PABPC1: variants seen among roughly 807,000 people sequenced by gnomAD.
PABPC1 encodes the protein polyadenylate-binding protein 1.
PABPC1 carries 4 observed loss-of-function variants against 74.0 expected under a neutral mutation model. The ratio of observed to expected loss-of-function variants is 0.05; its 90% CI spans 0.03 to 0.12. The LOEUF (loss-of-function observed/expected upper bound fraction) is 0.12, where lower values mean the gene tolerates loss of function less well. PABPC1 is among the 10% of genes least tolerant of loss of function. The pLI is 1.00. For synonymous variants in PABPC1, 227 were observed against 264.1 expected, an observed-to-expected ratio of 0.86 and a Z score of 1.36; for missense variants, 271 against 821.1, an observed-to-expected ratio of 0.33 and a Z score of 8.19.
rs1267646292 is a variant in PABPC1, at chr8:100,721,419, C to T, written c.165G>A (p.Ala55=). The change falls in exon 1 of 15, where the codon GCG becomes GCA. Residue 55 remains alanine (A), a synonymous_variant. Transcript: ENST00000318607. The surrounding 1 kb of genome is among the most constrained non-coding windows in gnomAD (Gnocchi z 7.4). The part of the protein sequence containing the change: ...DMITRRSLGY[A]YVNFQQPADA... ...CCGCCGGCTGCTGGAAGTTCACATACGCGTAGCCCAAGGAGCGGCGGGTGA... is the reference window on the plus strand; with the variant it reads ...CCGCCGGCTGCTGGAAGTTCACATATGCGTAGCCCAAGGAGCGGCGGGTGA... The T allele has an allele frequency of 1.9e-6, 3 of 1,589,814 alleles. No individual in the cohort carries two copies. The highest frequency in any genetic ancestry group is 2.6e-6 in the Non-Finnish European group (3 of 1,168,048).
chr8:100,715,102 G>A (rs1246366129), intron 4 of PABPC1, among the ~76,000 whole-genome samples: 2 of 148,856 alleles, frequency 1.3e-5, no homozygotes, highest in African/African-American at 5.1e-5. Context: ...ATATGCTTCT[G>A]ATGACATGGG....
At chr8:100,705,200 C>T in intron 12 of PABPC1, 144 bp from the exon 13 acceptor site, 1 of 677,142 alleles carries the variant, frequency 1.5e-6, no homozygotes, top group Non-Finnish European at 2.5e-6. Context: ...ATTATGTCTT[C>T]ATGGGAAGAC....
At chr8:100,719,763 C>T (rs1810766201) in intron 1 of PABPC1, among the ~76,000 whole-genome samples, 1 of 152,146 alleles carries the variant, frequency 6.6e-6, no homozygotes, top group African/African-American at 2.4e-5. Context: ...TTCAAGTTTT[C>T]ATTTTGTGGT....
In PABPC1 at chr8:100,706,644, T is replaced by C. The variant is rs1203927419; in HGVS notation, c.1602+7A>G. Reference sequence around the variant, plus strand: ...TGATTTTTATTAAGAAATCATTAAATCCATACCTGTTGCATTGTAACTTGT... The same window carrying C: ...TGATTTTTATTAAGAAATCATTAAACCCATACCTGTTGCATTGTAACTTGT... On this transcript the variant is annotated splice_region_variant and intron_variant, in intron 11 of 14. Transcript: ENST00000318607. The C allele has an allele frequency of 1.3e-6, 2 of 1,484,228 alleles. No homozygotes were observed. The highest frequency in any genetic ancestry group is 2.9e-5 in the African/African-American group (2 of 68,198). 91.9% of individuals were successfully genotyped at this position (1,484,228 alleles called of 1,614,324 possible). A position where few individuals can be genotyped will look rare whatever the true frequency, so the allele number is the denominator to read the frequency against.
At chr8:100,705,538 C>T in intron 12 of PABPC1, 51 bp downstream of exon 12, 1 of 1,120,466 alleles carries the variant, frequency 8.9e-7, no homozygotes, top group South Asian at 1.3e-5. Context: ...CTAAGTGATT[C>T]CTATATTTTC....
chr8:100,712,511 T>C, intron 6 of PABPC1, 54 bp from the exon 7 acceptor site: 1 of 1,459,478 alleles, frequency 6.9e-7, no homozygotes, highest in Non-Finnish European at 9.4e-7. Context: ...GGTACCTAAG[T>C]ACATCGGGTC....
chr8:100,711,452 C>T (rs1810525606), intron 7 of PABPC1, among the ~76,000 whole-genome samples: 1 of 152,172 alleles, frequency 6.6e-6, no homozygotes, highest in African/African-American at 2.4e-5. Flanking sequence ...GCACTCCAAC[C>T]TGGGCAACAT....
intron 5 of PABPC1, 55 bp from the exon 6 acceptor site, chr8:100,712,844 T>TGA: frequency 6.6e-7 from 1 of 1,512,544 alleles, no homozygotes; most frequent in Non-Finnish European, 8.8e-7. Context: ...AACTTACAGT[T>TGA]CATTTCCTTA....
rs770049168 is a variant in PABPC1, at chr8:100,721,422, G to A, written c.162C>T (p.Tyr54=). The A allele has an allele frequency of 1.3e-6, 2 of 1,590,720 alleles. No homozygotes were observed. Among genetic ancestry groups the A allele is most frequent in the Non-Finnish European group, 8.6e-7 (1 of 1,168,452 alleles). ...CCGGCTGCTGGAAGTTCACATACGC[G>A]TAGCCCAAGGAGCGGCGGGTGATCA... ...RDMITRRSLG[Y]AYVNFQQPAD... The change falls in exon 1 of 15, where the codon TAC becomes TAT. Residue 54 remains tyrosine (Y), a synonymous_variant. Coordinates refer to ENST00000318607, the MANE Select transcript of PABPC1 (RefSeq NM_002568.4). The surrounding 1 kb of genome is among the most constrained non-coding windows in gnomAD (Gnocchi z 7.4).
chr8:100,709,839 T>C (rs1810481496), intron 7 of PABPC1, 108 bp from the exon 8 acceptor site: 1 of 1,192,674 alleles, frequency 8.4e-7, no homozygotes, highest in Non-Finnish European at 1.2e-6. Flanking sequence ...AACTAAACCC[T>C]GTTAATGCTT....
Position 100,721,174 on chromosome 8 carries a change from AG to A in PABPC1, c.193+216del, listed in dbSNP as rs1810816214. Among the ~76,000 whole-genome samples the A allele has an allele frequency of 6.6e-6, 1 of 152,160 alleles. No individual in the cohort carries two copies. The highest frequency in any genetic ancestry group is 2.1e-4 in the South Asian group (1 of 4,830). ...TCTGAGGCCGAGAAAATGGTCGCAA[AG>A]GAGGAAGTAGCCGGGCGTGTGGCTG... is the stretch of plus-strand genomic sequence containing the variant. On this transcript the variant is annotated intron_variant, in intron 1 of 14. Coordinates refer to ENST00000318607, the MANE Select transcript of PABPC1 (RefSeq NM_002568.4). This position sits in a 1 kb window ranked among gnomAD's most constrained non-coding sequence, Gnocchi z 7.4.
chr8:100,720,019 AGTGAAGAG>A (rs1266485137), intron 1 of PABPC1, among the ~76,000 whole-genome samples: 3 of 152,250 alleles, frequency 2.0e-5, no homozygotes, highest in African/African-American at 7.2e-5. Flanking sequence ...AACTTTACAC[AGTGAAGAG>A]CTGATCAGTA....
At chr8:100,711,249 C>T (rs1040523194) in intron 7 of PABPC1, among the ~76,000 whole-genome samples, 74 of 151,976 alleles carry the variant, frequency 4.9e-4, no homozygotes, top group African/African-American at 1.7e-3. Flanking sequence ...CACCGCACTC[C>T]AGCCCAGGCG....
chr8:100,721,377 A>C lies in PABPC1; in HGVS notation c.193+14T>G. ...CGCCCGCCCGCCCGGCCGACCGCGG[A>C]GCCCGGCGCTCACCGTCCGCCGGCT... On this transcript the variant is annotated intron_variant, in intron 1 of 14. Coordinates refer to ENST00000318607, the MANE Select transcript of PABPC1 (RefSeq NM_002568.4). The surrounding 1 kb of genome is among the most constrained non-coding windows in gnomAD (Gnocchi z 7.4). 6.9e-7 allele frequency: 1 copy of C among 1,444,036 alleles called. No homozygotes were observed. The highest frequency in any genetic ancestry group is 9.2e-7 in the Non-Finnish European group (1 of 1,086,956). 89.5% of individuals were successfully genotyped at this position (1,444,036 alleles called of 1,614,324 possible).
In PABPC1 at chr8:100,721,515, G is replaced by T; in HGVS notation, c.69C>A (p.Thr23=). ...TGAACTTCTCGTAGAGCATCGCCTC[G>T]GTCACGTCGGGGTGGAGGTCCCCCA... ...LYVGDLHPDV[T]EAMLYEKFSP... The change falls in exon 1 of 15, where the codon ACC becomes ACA. Residue 23 remains threonine (T), a synonymous_variant. Coordinates refer to ENST00000318607, the MANE Select transcript of PABPC1 (RefSeq NM_002568.4). The surrounding 1 kb of genome is among the most constrained non-coding windows in gnomAD (Gnocchi z 7.4). The T allele has an allele frequency of 6.2e-7, 1 of 1,611,346 alleles. No individual in the cohort carries two copies. The highest frequency in any genetic ancestry group is 8.5e-7 in the Non-Finnish European group (1 of 1,178,498).
At position 100,706,772 on chromosome 8, in the gene PABPC1, G is replaced by A. The variant is rs1367431990; in HGVS notation, c.1481C>T (p.Pro494Leu). The A allele has an allele frequency of 6.2e-7, 1 of 1,614,208 alleles. No homozygotes were observed. The highest frequency in any genetic ancestry group is 8.5e-7 in the Non-Finnish European group (1 of 1,180,012). ...AGTAGCTGCAGCGGCTGCAGCTGCAGGACGTGGACCCATTGTCTGTGTTGA... is the reference window on the plus strand; with the variant it reads ...AGTAGCTGCAGCGGCTGCAGCTGCAAGACGTGGACCCATTGTCTGTGTTGA... ...NTSTQTMGPR[P>L]AAAAAAATPA... is the part of the protein sequence containing the mutation. The change falls in exon 11 of 15, where the codon CCT becomes CTT. Residue 494 changes from proline (P) to leucine (L), a missense_variant. Coordinates refer to ENST00000318607, the MANE Select transcript of PABPC1 (RefSeq NM_002568.4).
intron 4 of PABPC1, among the ~76,000 whole-genome samples, chr8:100,713,570 T>G (rs374840369): frequency 2.0e-5 from 3 of 152,318 alleles, no homozygotes; most frequent in South Asian, 4.1e-4. Flanking sequence ...AAGCTCACTT[T>G]AACTCAACTC....
chr8:100,712,449 A>G lies in PABPC1; in HGVS notation c.885T>C (p.Asn295=). ...CATCATCAAGATTTTTCACATAAAGATTAACACCCTAAAAAGAAGAAAAGA... is the reference window on the plus strand; with the variant it reads ...CATCATCAAGATTTTTCACATAAAGGTTAACACCCTAAAAAGAAGAAAAGA... The part of the protein sequence containing the change: ...QDRITRYQGV[N]LYVKNLDDGI... Residue 295 remains asparagine, a synonymous_variant, in exon 7 of 15, where the codon AAT becomes AAC. Coordinates refer to ENST00000318607, the MANE Select transcript of PABPC1 (RefSeq NM_002568.4). 1 of 1,599,318 alleles carries G rather than the reference A, an allele frequency of 6.3e-7. No individual in the cohort carries two copies. The highest frequency in any genetic ancestry group is 1.3e-5 in the African/African-American group (1 of 74,356).
chr8:100,709,367 T>C (rs1810469693), intron 8 of PABPC1, 92 bp downstream of exon 8: 1 of 1,508,522 alleles, frequency 6.6e-7, no homozygotes, highest in Non-Finnish European at 9.2e-7. Context: ...CCTTTCTTAA[T>C]GTTTCACATT....
Sources: allele counts gnomAD v4.1 joint callset (sites outside exome capture counted in the v4.1 genomes callset), GRCh38; gene constraint gnomAD v4.1.1; non-coding constraint Gnocchi (gnomAD v3.1); transcripts MANE v1.5; gene names NCBI Gene and HGNC (gene_info 2026-07-23, HGNC 2026-07-21).